PIGN: variants seen among roughly 807,000 people sequenced by gnomAD.
The protein encoded by PIGN is phosphatidylinositol glycan anchor biosynthesis class N, also known as GPI ethanolamine phosphate transferase 1.
A neutral mutation model predicts 125.4 loss-of-function variants in PIGN; 117 were observed. The ratio of observed to expected loss-of-function variants is 0.93; its 90% CI spans 0.80 to 1.09. PIGN has a LOEUF of 1.09. PIGN is among the 50% of genes least tolerant of loss of function. The probability of loss-of-function intolerance (pLI) is 0.00; values close to 1 mark genes in which losing one functional copy is unlikely to be tolerated. For synonymous variants in PIGN, 392 were observed against 377.8 expected (o/e 1.04, Z -0.44); for missense variants, 1,075 against 1,094.9 (o/e 0.98, Z 0.26).
At chr18:62,126,307 A>G (rs1446469840) in intron 14 of PIGN, among the ~76,000 whole-genome samples, 1 of 152,144 alleles carries the variant, frequency 6.6e-6, no homozygotes, top group Admixed American at 6.6e-5. Context: ...TAAACTAAAT[A>G]TTGATGTCAT....
At chr18:62,128,896 G>A (rs2035630732) in intron 14 of PIGN, among the ~76,000 whole-genome samples, 1 of 151,992 alleles carries the variant, frequency 6.6e-6, no homozygotes, top group Non-Finnish European at 1.5e-5. Context: ...TTCAAAATAA[G>A]AAGTCATCAT....
chr18:62,126,466 G>A (rs2035539435), intron 14 of PIGN, among the ~76,000 whole-genome samples: 2 of 152,030 alleles, frequency 1.3e-5, no homozygotes, highest in South Asian at 4.1e-4. Flanking sequence ...TATGATCAAG[G>A]AACATAAAAA....
intron 23 of PIGN, among the ~76,000 whole-genome samples, chr18:62,035,400 A>T (rs1422928232): frequency 6.6e-6 from 1 of 152,226 alleles, no homozygotes; most frequent in Non-Finnish European, 1.5e-5. Context: ...CCATCTCTGA[A>T]CAAAACATTG....
rs2034163437 is a variant in PIGN at position 62,095,931 on chromosome 18, T to C, written c.2097A>G (p.Pro699=). The change falls in exon 23 of 31, where the codon CCA becomes CCG. Residue 699 remains proline, a synonymous_variant. Coordinates refer to ENST00000640252, the MANE Select transcript of PIGN (RefSeq NM_176787.5). The part of the protein sequence containing the change: ...WATLASSLVV[P]LLSSPVLFQR... The stretch of plus-strand genomic sequence containing the variant: ...GAAAGAGAACTGGAGAACTCAGTAG[T>C]GGCACAACCAAGGAAGAGGCTGCAA... 3.7e-6 allele frequency: 6 copies of C among 1,611,184 alleles called. No homozygotes were observed. The highest frequency in any genetic ancestry group is 1.3e-5 in the African/African-American group (1 of 74,840).
At chr18:62,183,275 C>G (rs951886756) in intron 1 of PIGN, among the ~76,000 whole-genome samples, 2 of 151,554 alleles carry the variant, frequency 1.3e-5, no homozygotes, top group African/African-American at 4.8e-5. Context: ...AAAAAACTCT[C>G]CAGTGCCTTT....
At position 62,138,979 on chromosome 18, in the gene PIGN, T is replaced by C; in HGVS notation, c.1116+4A>G. 1 of 1,538,864 alleles carries C rather than the reference T, an allele frequency of 6.5e-7. No homozygotes were observed. The highest frequency in any genetic ancestry group is 8.8e-7 in the Non-Finnish European group (1 of 1,130,454). On this transcript the variant is annotated splice_donor_region_variant and intron_variant, in intron 13 of 30. Coordinates refer to ENST00000640252, the MANE Select transcript of PIGN (RefSeq NM_176787.5). ...GTGCGTGCCTTTTTGAATTTTTTTT[T>C]TACCTTGAACTGTTCAAGAATCTGT...
intron 30 of PIGN, chr18:62,070,286 G>C (rs916370054): frequency 1.3e-5 from 5 of 395,666 alleles, no homozygotes; most frequent in South Asian, 1.4e-4. Flanking sequence ...TTTAGAATGA[G>C]AGGGCTGGGA....
rs1169450355 is a variant in PIGN, at chr18:62,072,925, T to C, written c.2620-200A>G. ...AGTCTAAAATCCAGAAATAGAATTA[T>C]CAATCAAATGAACACAAAAGTGACA... On this transcript the variant is annotated intron_variant, in intron 29 of 30. Coordinates refer to ENST00000640252, the MANE Select transcript of PIGN (RefSeq NM_176787.5). Among the ~76,000 whole-genome samples, 5 of 152,048 alleles carry C rather than the reference T, an allele frequency of 3.3e-5. 1 individual carries two copies. Among genetic ancestry groups the C allele is most frequent in the African/African-American group, 7.2e-5 (3 of 41,396 alleles).
chr18:62,018,940 G>C (rs1343274115), intron 23 of PIGN, among the ~76,000 whole-genome samples: 2 of 152,128 alleles, frequency 1.3e-5, no homozygotes, highest in Non-Finnish European at 2.9e-5. Flanking sequence ...TTGGAGGCTG[G>C]GCACAGTGGC....
intron 23 of PIGN, among the ~76,000 whole-genome samples, chr18:62,094,110 T>A (rs542915089): frequency 6.6e-6 from 1 of 152,146 alleles, no homozygotes; most frequent in Non-Finnish European, 1.5e-5. Context: ...GCATCTCCTA[T>A]GACTATTAAA....
At chr18:62,170,776 T>A (rs1465604701) in intron 1 of PIGN, among the ~76,000 whole-genome samples, 1 of 152,226 alleles carries the variant, frequency 6.6e-6, no homozygotes, top group Non-Finnish European at 1.5e-5. Context: ...TTTTAAACAG[T>A]TATCCAGTTT....
rs2034802626 is a variant in PIGN at position 62,109,822 on chromosome 18, T to C, written c.1574+12A>G. 1 of 1,593,344 alleles carries C rather than the reference T, an allele frequency of 6.3e-7. No individual in the cohort carries two copies. The highest frequency in any genetic ancestry group is 8.6e-7 in the Non-Finnish European group (1 of 1,168,576). On this transcript the variant is annotated intron_variant, in intron 17 of 30. Transcript: ENST00000640252. ...GAAGTGAAAAAACAAGGCAGCAAGATGCATTACTTACTCTCTTAGAACCGC... is the reference window on the plus strand; with the variant it reads ...GAAGTGAAAAAACAAGGCAGCAAGACGCATTACTTACTCTCTTAGAACCGC...
chr18:62,041,143 G>A (rs1335723255), downstream of PIGN: 1 of 152,016 alleles, frequency 6.6e-6, no homozygotes, highest in Non-Finnish European at 1.5e-5. Context: ...TTTCTACACT[G>A]TCAAATCATA....
intron 12 of PIGN, 62 bp downstream of exon 12, chr18:62,140,358 C>A: frequency 2.8e-6 from 2 of 725,716 alleles, no homozygotes; most frequent in Non-Finnish European, 4.6e-6. Context: ...AAAAAGAGTA[C>A]ATTTTACTGT....
chr18:62,060,614 C>T (rs1200604787), intron 30 of PIGN, among the ~76,000 whole-genome samples: 1 of 151,920 alleles, frequency 6.6e-6, no homozygotes, highest in Non-Finnish European at 1.5e-5. Context: ...CTCATTATAT[C>T]AAAAGAGAAA....
chr18:62,146,169 T>C (rs2036321563), intron 9 of PIGN, 144 bp from the exon 10 acceptor site: 1 of 408,302 alleles, frequency 2.4e-6, no homozygotes, highest in South Asian at 9.7e-5. Context: ...TACAACCTTT[T>C]ATGGCAATTA....
At chr18:62,174,246 T>C (rs905206888) in intron 1 of PIGN, 1 of 152,112 alleles carries the variant, frequency 6.6e-6, no homozygotes, top group African/African-American at 2.4e-5. Flanking sequence ...TTTCTCATCT[T>C]CTCATTGTCT....
chr18:62,019,894 T>C (rs543881928), intron 23 of PIGN, among the ~76,000 whole-genome samples: 5 of 152,396 alleles, frequency 3.3e-5, no homozygotes, highest in African/African-American at 9.6e-5. Context: ...CTTTCCAGAC[T>C]GTGGCACAGG....
intron 14 of PIGN, among the ~76,000 whole-genome samples, chr18:62,128,327 T>G (rs1380438738): frequency 1.3e-5 from 2 of 152,184 alleles, no homozygotes; most frequent in Non-Finnish European, 2.9e-5. Context: ...GATGATGAGA[T>G]TTGCTTGTGG....
Sources: gnomAD v4.1 joint callset for allele counts (sites outside exome capture counted in the v4.1 genomes callset) on GRCh38, gnomAD v4.1.1 for gene constraint, MANE v1.5 for transcripts, NCBI Gene and HGNC (gene_info 2026-07-23, HGNC 2026-07-21) for gene names.